The following PPL variants were observed in gnomAD, a reference collection of about 807,000 sequenced individuals.
PPL encodes the protein periplakin, also known as 190 kDa paraneoplastic pemphigus antigen.
Under a neutral mutation model 194.4 loss-of-function variants are expected in PPL, and 198 were observed. The ratio of observed to expected loss-of-function variants is 1.02; its 90% CI spans 0.91 to 1.15. The LOEUF is 1.15. Ranked by LOEUF, PPL falls within the 50% of genes most tolerant of loss-of-function variation. The pLI, the probability that PPL is intolerant of heterozygous loss-of-function variation, is 0.00. For synonymous variants in PPL, 1,220 were observed against 972.4 expected (o/e 1.25, Z -4.74); for missense variants, 2,885 against 2,294.8 (o/e 1.26, Z -5.25).
chr16:4,920,994 G>A (rs1245714907), intron 1 of PPL, among the ~76,000 whole-genome samples: 1 of 152,198 alleles, frequency 6.6e-6, no homozygotes, highest in Non-Finnish European at 1.5e-5. Context: ...AGCAGAAACA[G>A]CCCCCTCAGC....
At chr16:4,887,891 C>T (rs369500314) in intron 20 of PPL, among the ~76,000 whole-genome samples, 33 of 152,334 alleles carry the variant, frequency 2.2e-4, no homozygotes, top group Non-Finnish European at 3.4e-4. Flanking sequence ...CCACTGCGCC[C>T]GGCCTTGCTG....
intron 2 of PPL, among the ~76,000 whole-genome samples, chr16:4,907,067 A>C (rs2088701849): frequency 7.4e-6 from 1 of 134,536 alleles, no homozygotes; most frequent in East Asian, 2.3e-4. Context: ...CAATATAGTG[A>C]GACCCTATCT....
At chr16:4,922,576 C>G (rs1200437319) in intron 1 of PPL, among the ~76,000 whole-genome samples, 43 of 152,148 alleles carry the variant, frequency 2.8e-4, no homozygotes, top group Non-Finnish European at 7.3e-5. Context: ...ACAGGAGAAT[C>G]GCTTGAGCCT....
chr16:4,893,030 A>C, intron 14 of PPL, 183 bp downstream of exon 14: 1 of 676,154 alleles, frequency 1.5e-6, no homozygotes, highest in Non-Finnish European at 2.3e-6. Flanking sequence ...TCTCCTGGGG[A>C]GGTAATGACA....
chr16:4,927,927 T>A (rs1044938487), intron 1 of PPL, among the ~76,000 whole-genome samples: 1 of 152,206 alleles, frequency 6.6e-6, no homozygotes, highest in Non-Finnish European at 1.5e-5. Context: ...CAAGACCCTA[T>A]TTCTACCAAA....
At chr16:4,920,184 C>A (rs535766645) in intron 1 of PPL, among the ~76,000 whole-genome samples, 2 of 150,974 alleles carry the variant, frequency 1.3e-5, no homozygotes, top group East Asian at 3.9e-4. Context: ...CTTGGGAGGC[C>A]GAGGCCGGGG....
intron 1 of PPL, among the ~76,000 whole-genome samples, chr16:4,925,148 C>T (rs535766344): frequency 6.6e-6 from 1 of 152,338 alleles, no homozygotes; most frequent in East Asian, 1.9e-4. Flanking sequence ...ACACCCCTCC[C>T]TGGAACCAGC....
In PPL at chr16:4,884,036, A is replaced by G. The variant is rs768992170; in HGVS notation, c.4619T>C (p.Leu1540Pro). Reference sequence around the variant, plus strand: ...TTCCAGCTCCGAAAGCCTGGCTTCCAGCCGGCTCACCTCGACGTCCAGCTC... The same window carrying G: ...TTCCAGCTCCGAAAGCCTGGCTTCCGGCCGGCTCACCTCGACGTCCAGCTC... ...KRELDVEVSR[L>P]EARLSELEFH... The change falls in exon 22 of 22, where the codon CTG (leucine) becomes CCG (proline). Residue 1540 changes from leucine (L) to proline (P), a missense_variant. By Grantham distance (98) the Leu-to-Pro change is moderately conservative. Coordinates refer to ENST00000345988, the MANE Select transcript of PPL (RefSeq NM_002705.5). The surrounding 1 kb of genome is among the most constrained non-coding windows in gnomAD (Gnocchi z 5.7). The G allele has an allele frequency of 6.2e-7, 1 of 1,613,700 alleles. No homozygotes were observed. The highest frequency in any genetic ancestry group is 1.1e-5 in the South Asian group (1 of 91,088).
Position 4,902,422 on chromosome 16 carries a change from A to G in PPL, c.422T>C (p.Leu141Pro). ...AGGCCATACCAGCTTCTCCTCCACC[A>G]GTGCCGCCCAGTTGACCTGTGGATC... ...EVDPQVNWAA[L>P]VEEKLDKLNN... Residue 141 changes from leucine (L) to proline (P), a missense_variant, in exon 4 of 22, where the codon CTG becomes CCG. Leu to Pro is a moderately conservative substitution (Grantham distance 98). Transcript: ENST00000345988. This position sits in a 1 kb window ranked among gnomAD's most constrained non-coding sequence, Gnocchi z 4.0. The G allele has an allele frequency of 6.2e-7, 1 of 1,613,866 alleles. No homozygotes were observed. The highest frequency in any genetic ancestry group is 1.3e-5 in the African/African-American group (1 of 75,018).
intron 1 of PPL, among the ~76,000 whole-genome samples, chr16:4,932,085 C>T (rs2089232186): frequency 6.6e-6 from 1 of 152,192 alleles, no homozygotes; most frequent in African/African-American, 2.4e-5. Context: ...GTGGGGAGGC[C>T]TCATTTGCTT....
rs2088411076 is a variant in PPL at position 4,895,575 on chromosome 16, G to A, written c.1095+19C>T. 2 of 1,613,636 alleles carry A rather than the reference G, an allele frequency of 1.2e-6. No individual in the cohort carries two copies. Among genetic ancestry groups the A allele is most frequent in the Admixed American group, 1.7e-5 (1 of 60,020 alleles). On this transcript the variant is annotated intron_variant, in intron 10 of 21. Coordinates refer to ENST00000345988, the MANE Select transcript of PPL (RefSeq NM_002705.5). ...TCCCCCGCCCCCCGGGCCAGCAGGG[G>A]TCCTGGGCCATCGCTCACATCCAGC...
chr16:4,933,960 A>T (rs2089259238), intron 1 of PPL, among the ~76,000 whole-genome samples: 2 of 152,184 alleles, frequency 1.3e-5, no homozygotes, highest in Non-Finnish European at 2.9e-5. Flanking sequence ...TTTCCCCTGC[A>T]TTATTTCATT....
Position 4,890,872 on chromosome 16 carries a change from T to A in PPL, c.2018A>T (p.Glu673Val). 1.4e-5 allele frequency: 21 copies of A among 1,550,320 alleles called. No individual in the cohort carries two copies. Among genetic ancestry groups the A allele is most frequent in the Non-Finnish European group, 1.8e-5 (21 of 1,144,758 alleles). Residue 673 changes from glutamate (E) to valine (V), a missense_variant, in exon 17 of 22, where the codon GAG becomes GTG. Transcript: ENST00000345988. ...CTGCTTGGCCGCCTGCAAGTTCTGCTCCACCTCACCCAGGAGGGACTTCTG... is the reference window on the plus strand; with the variant it reads ...CTGCTTGGCCGCCTGCAAGTTCTGCACCACCTCACCCAGGAGGGACTTCTG... ...QAQKSLLGEV[E>V]QNLQAAKQCS...
At chr16:4,914,179 G>C (rs532823286) in intron 1 of PPL, among the ~76,000 whole-genome samples, 2 of 152,328 alleles carry the variant, frequency 1.3e-5, no homozygotes, top group South Asian at 4.1e-4. Context: ...GGGTGGGCCA[G>C]GGCGGGGTTC....
In PPL at chr16:4,902,152, C is replaced by A. The variant is rs969595034; in HGVS notation, c.438+254G>T. On this transcript the variant is annotated intron_variant, in intron 4 of 21. Transcript: ENST00000345988. The surrounding 1 kb of genome is among the most constrained non-coding windows in gnomAD (Gnocchi z 4.0). Reference sequence around the variant, plus strand: ...ACATGCCAGGGTTGGAAAGTGGGACCCAGGAGCAGCAGCGAGGTGTGGCTG... The same window carrying A: ...ACATGCCAGGGTTGGAAAGTGGGACACAGGAGCAGCAGCGAGGTGTGGCTG... Among the ~76,000 whole-genome samples the A allele has an allele frequency of 6.6e-6, 1 of 152,048 alleles. No homozygotes were observed. Among genetic ancestry groups the A allele is most frequent in the Non-Finnish European group, 1.5e-5 (1 of 68,002 alleles).
chr16:4,901,157 A>G, intron 4 of PPL, 68 bp from the exon 5 acceptor site: 1 of 1,560,064 alleles, frequency 6.4e-7, no homozygotes, highest in Admixed American at 1.8e-5. Flanking sequence ...TGGCCACCCC[A>G]GGAGCCTCGG....
chr16:4,899,448 C>G (rs984271562), intron 6 of PPL, 64 bp from the exon 7 acceptor site: 122 of 1,537,600 alleles, frequency 7.9e-5, no homozygotes, highest in Non-Finnish European at 1.0e-4. Context: ...CGCTTCCTTC[C>G]CTACCTCCTG....
intron 18 of PPL, among the ~76,000 whole-genome samples, 177 bp from the exon 19 acceptor site, chr16:4,889,238 GTTGTTTTTTTTTTT>G (rs2088272808): frequency 2.6e-3 from 56 of 21,810 alleles, no homozygotes; most frequent in African/African-American, 4.1e-3. Context: ...TTTTGTTGTT[GTTGTTTTTTTTTTT>G]TTTTTTTTTT....
chr16:4,898,177 A>G (rs1414776237), intron 8 of PPL, among the ~76,000 whole-genome samples: 1 of 152,212 alleles, frequency 6.6e-6, no homozygotes, highest in Non-Finnish European at 1.5e-5. Flanking sequence ...CAGGAGTTTG[A>G]GACTAGCCTG....
Sources: gnomAD v4.1 joint callset for allele counts (sites outside exome capture counted in the v4.1 genomes callset) on GRCh38, gnomAD v4.1.1 for gene constraint, Gnocchi (gnomAD v3.1) non-coding constraint, MANE v1.5 for transcripts, NCBI Gene and HGNC (gene_info 2026-07-23, HGNC 2026-07-21) for gene names.